The following DSCAM variants were observed in gnomAD, a reference collection of about 807,000 sequenced individuals.
DSCAM encodes DS cell adhesion molecule.
In DSCAM, 47 loss-of-function variants were observed where a neutral mutation model predicts 217.7. The observed-to-expected ratio is 0.22, with a 90% CI of 0.17 to 0.28. The LOEUF is 0.28. Among genes scored for constraint, DSCAM ranks in the 10% least tolerant of loss-of-function variants. The pLI is 1.00. For missense variants in DSCAM, 2,080 were observed against 2,618.3 expected, an observed-to-expected ratio of 0.79 and a Z score of 4.49; for synonymous variants, 1,056 against 1,015.3, an observed-to-expected ratio of 1.04 and a Z score of -0.76.
intron 3 of DSCAM, among the ~76,000 whole-genome samples, chr21:40,536,491 T>A (rs2076498701): frequency 2.8e-5 from 4 of 144,418 alleles, no homozygotes. Flanking sequence ...AAGCTCCGCC[T>A]CCCGGGTTCA....
intron 30 of DSCAM, among the ~76,000 whole-genome samples, chr21:40,047,785 T>A (rs1447629548): frequency 6.6e-6 from 1 of 152,192 alleles, no homozygotes; most frequent in Non-Finnish European, 1.5e-5. Context: ...CTAGCACTTA[T>A]TACATCCTGG....
chr21:40,722,560 T>C (rs1024565865), intron 1 of DSCAM, among the ~76,000 whole-genome samples: 2 of 151,920 alleles, frequency 1.3e-5, no homozygotes, highest in Admixed American at 1.3e-4. Context: ...CAGGTAAAAT[T>C]GACAATTTAA....
At chr21:40,753,495 T>G (rs1170702025) in intron 1 of DSCAM, among the ~76,000 whole-genome samples, 1 of 152,168 alleles carries the variant, frequency 6.6e-6, no homozygotes, top group Non-Finnish European at 1.5e-5. Flanking sequence ...TGTCAATAGA[T>G]AAAATGGACA....
intron 3 of DSCAM, among the ~76,000 whole-genome samples, chr21:40,438,823 G>A (rs1447128741): frequency 6.6e-6 from 1 of 152,144 alleles, no homozygotes; most frequent in Non-Finnish European, 1.5e-5. Context: ...GGTTCCTGGA[G>A]TTGGATTCAC....
chr21:40,573,477 A>G (rs1196164834), intron 3 of DSCAM, among the ~76,000 whole-genome samples: 1 of 152,214 alleles, frequency 6.6e-6, no homozygotes, highest in African/African-American at 2.4e-5. Flanking sequence ...ATATATTTTG[A>G]ATTGAATGAA....
chr21:40,245,645 A>C (rs997589496), intron 11 of DSCAM, among the ~76,000 whole-genome samples: 6 of 152,154 alleles, frequency 3.9e-5, no homozygotes, highest in Admixed American at 6.5e-5. Flanking sequence ...AGGTGGGTGG[A>C]GCTCATAGTC....
intron 1 of DSCAM, among the ~76,000 whole-genome samples, chr21:40,737,049 T>C (rs2091071133): frequency 6.6e-6 from 1 of 152,188 alleles, no homozygotes; most frequent in African/African-American, 2.4e-5. Context: ...AGAAAGCAAG[T>C]TGATGCTACG....
At chr21:40,140,885 G>A (rs2090281411) in intron 18 of DSCAM, among the ~76,000 whole-genome samples, 1 of 152,008 alleles carries the variant, frequency 6.6e-6, no homozygotes, top group African/African-American at 2.4e-5. Context: ...CATGAGCTCA[G>A]TGTCGAGTGG....
chr21:40,233,036 G>A (rs927621110), intron 11 of DSCAM, among the ~76,000 whole-genome samples: 9 of 151,936 alleles, frequency 5.9e-5, no homozygotes, highest in African/African-American at 1.2e-4. Context: ...ATCTCTTCAC[G>A]TGAGATAACG....
intron 3 of DSCAM, among the ~76,000 whole-genome samples, chr21:40,416,252 T>C (rs1041749925): frequency 1.3e-5 from 2 of 152,242 alleles, no homozygotes; most frequent in East Asian, 1.9e-4. Flanking sequence ...CCTGCATTGG[T>C]TTCTCCCCTT....
chr21:40,157,497 G>A (rs1186044579), intron 16 of DSCAM, among the ~76,000 whole-genome samples: 1 of 152,124 alleles, frequency 6.6e-6, no homozygotes, highest in Non-Finnish European at 1.5e-5. Context: ...GTTAGAGTTC[G>A]TTACTCTCCT....
chr21:40,549,160 C>T (rs913322153), intron 3 of DSCAM, among the ~76,000 whole-genome samples: 2 of 152,164 alleles, frequency 1.3e-5, no homozygotes, highest in African/African-American at 4.8e-5. Context: ...GGCACTTCAG[C>T]TTGGGCAACA....
intron 11 of DSCAM, among the ~76,000 whole-genome samples, chr21:40,273,678 C>G (rs1232272779): frequency 6.6e-6 from 1 of 152,200 alleles, no homozygotes; most frequent in Non-Finnish European, 1.5e-5. Context: ...AAGTGCCATA[C>G]ATTGGTGGCT....
intron 3 of DSCAM, among the ~76,000 whole-genome samples, chr21:40,400,334 G>A (rs1416465505): frequency 6.6e-6 from 1 of 152,154 alleles, no homozygotes; most frequent in Non-Finnish European, 1.5e-5. Context: ...ATAGCTAGAA[G>A]AGTAATATTG....
At chr21:40,030,114 A>G (rs965493547) in intron 32 of DSCAM, among the ~76,000 whole-genome samples, 1 of 152,306 alleles carries the variant, frequency 6.6e-6, no homozygotes, top group East Asian at 1.9e-4. Flanking sequence ...GCTCCCATGC[A>G]TGGATACACA....
chr21:40,579,379 T>TA (rs1448869838), intron 3 of DSCAM, among the ~76,000 whole-genome samples: 8 of 151,056 alleles, frequency 5.3e-5, no homozygotes, highest in African/African-American at 2.0e-4. Context: ...CACAGAGGGG[T>TA]AGAGGTAGGC....
At chr21:40,399,758 A>G (rs2075217065) in intron 3 of DSCAM, among the ~76,000 whole-genome samples, 1 of 152,248 alleles carries the variant, frequency 6.6e-6, no homozygotes, top group Non-Finnish European at 1.5e-5. Context: ...ATATAAACTT[A>G]GTAGTGACAA....
At chr21:40,626,995 C>T (rs1283314606) in intron 3 of DSCAM, among the ~76,000 whole-genome samples, 2 of 152,152 alleles carry the variant, frequency 1.3e-5, no homozygotes, top group East Asian at 3.9e-4. Context: ...AACTGGGAAT[C>T]TGGTTTCCAT....
Position 40,516,978 on chromosome 21 carries a change from TATATATATAC to T in DSCAM, c.509-147743_509-147734del, listed in dbSNP as rs1257755241. 3.4e-5 allele frequency among the ~76,000 whole-genome samples: 5 copies of T among 147,618 alleles called. 1 individual carries two copies. The highest frequency in any genetic ancestry group is 1.2e-4 in the African/African-American group (5 of 40,462). ...TTACTCTCTGTAAATATACATATATTATATATATACATATATATACACCATATATATACCT... is the reference window on the plus strand; with the variant it reads ...TTACTCTCTGTAAATATACATATATTATATATATACACCATATATATACCT... On this transcript the variant is annotated intron_variant, in intron 3 of 32. Coordinates refer to ENST00000400454, the MANE Select transcript of DSCAM (RefSeq NM_001389.5).
Sources: allele counts gnomAD v4.1 joint callset (sites outside exome capture counted in the v4.1 genomes callset), GRCh38; gene constraint gnomAD v4.1.1; transcripts MANE v1.5; gene names NCBI Gene and HGNC (gene_info 2026-07-23, HGNC 2026-07-21).